FAHD2B: variants seen among roughly 807,000 people sequenced by gnomAD.
FAHD2B encodes fumarylacetoacetate hydrolase domain containing 2B.
Under a neutral mutation model 33.7 loss-of-function variants are expected in FAHD2B, and 26 were observed. That is an observed-to-expected ratio of 0.77 (90% CI 0.57 to 1.07). The LOEUF (loss-of-function observed/expected upper bound fraction) is 1.07. FAHD2B is among the 50% of genes least tolerant of loss of function. The pLI is 0.00. For synonymous variants in FAHD2B, 108 were observed against 150.9 expected, an observed-to-expected ratio of 0.72 and a Z score of 2.08; for missense variants, 272 against 388.1, an observed-to-expected ratio of 0.70 and a Z score of 2.51.
In FAHD2B at chr2:97,084,016, C is replaced by T; in HGVS notation, c.814G>A (p.Gly272Arg). The T allele has an allele frequency of 6.2e-7, 1 of 1,613,700 alleles. No individual in the cohort carries two copies. The highest frequency in any genetic ancestry group is 1.1e-5 in the South Asian group (1 of 90,908). ...GGGGTCCCAGTTAGGATGACATCCCCTGGGTAAAAGGTAACAAACCTGGAG... is the reference window on the plus strand; with the variant it reads ...GGGGTCCCAGTTAGGATGACATCCCTTGGGTAAAAGGTAACAAACCTGGAG... Reference protein sequence around the residue: ...WVSQFVTFYPGDVILTGTPPG... With the variant: ...WVSQFVTFYPRDVILTGTPPG... Residue 272 changes from glycine (G) to arginine (R), a missense_variant, in exon 8 of 9, where the codon GGG becomes AGG. Transcript: ENST00000414820.
At chr2:97,080,004 T>C (rs1385796520), downstream of FAHD2B, among the ~76,000 whole-genome samples, 2 of 152,142 alleles carry the variant, frequency 1.3e-5, no homozygotes, top group Non-Finnish European at 2.9e-5. Flanking sequence ...CTTTGTTAGA[T>C]GCATAGTTTG....
At chr2:97,082,284 C>T, downstream of FAHD2B, 2 of 1,577,866 alleles carry the variant, frequency 1.3e-6, no homozygotes, top group Admixed American at 1.8e-5. Flanking sequence ...CAGGCTGCCG[C>T]CTTCCTCCGC....
At chr2:97,083,493 G>A (rs2031740373), downstream of FAHD2B, 2 of 880,146 alleles carry the variant, frequency 2.3e-6, no homozygotes, top group African/African-American at 4.8e-5. Flanking sequence ...GTATGTGTGT[G>A]TATTTGCTCT....
In FAHD2B at chr2:97,090,133, C is replaced by A. The variant is rs761551273; in HGVS notation, c.438G>T (p.Glu146Asp). ...FASSIVGPYD[E>D]VVLPPQSQEV... ...CCTGGCTCTGTGGTGGGAGGACCAC[C>A]TCATCATAGGGCCCCACGATGGAGC... Residue 146 changes from glutamate (E) to aspartate (D), a missense_variant, in exon 4 of 9, where the codon GAG becomes GAT. Coordinates refer to ENST00000414820, the MANE Select transcript of FAHD2B (RefSeq NM_001320848.2). 2.2e-5 allele frequency: 35 copies of A among 1,603,586 alleles called. No individual in the cohort carries two copies. Among genetic ancestry groups the A allele is most frequent in the Non-Finnish European group, 2.9e-5 (34 of 1,174,884 alleles).
At chr2:97,083,116 A>T (rs2031717319), downstream of FAHD2B, 2 of 1,540,678 alleles carry the variant, frequency 1.3e-6, no homozygotes, top group Non-Finnish European at 1.7e-6. Flanking sequence ...TGGTGAGCGC[A>T]CTCATGGCGC....
At chr2:97,082,357 G>T, downstream of FAHD2B, 1 of 1,611,358 alleles carries the variant, frequency 6.2e-7, no homozygotes, top group Non-Finnish European at 8.5e-7. Flanking sequence ...GGCAGGCTGT[G>T]TCTGTGCTGG....
At chr2:97,092,965 CAAAA>C (rs748844060) in intron 1 of FAHD2B, among the ~76,000 whole-genome samples, 2 of 64,216 alleles carry the variant, frequency 3.1e-5, no homozygotes, top group Non-Finnish European at 3.1e-5. Context: ...AGAGCGACTC[CAAAA>C]AAAAAAAAAA....
Position 97,084,264 on chromosome 2 carries a change from T to G in FAHD2B, c.699A>C (p.Leu233Phe). Residue 233 changes from leucine (L) to phenylalanine (F), a missense_variant, in exon 7 of 9, where the codon TTA (leucine) becomes TTC (phenylalanine). Leu to Phe is a conservative substitution (Grantham distance 22, BLOSUM62 0). Coordinates refer to ENST00000414820, the MANE Select transcript of FAHD2B (RefSeq NM_001320848.2). ...CCCCATTCACTCGGCAGCAGATCTT[T>G]AAGTTGTGTGGATCTGAAATGCAAA... ...TKDSVADPHNLKICCRVNGEV... is the reference protein window; with the variant it reads ...TKDSVADPHNFKICCRVNGEV... 6.2e-7 allele frequency: 1 copy of G among 1,613,646 alleles called. No individual in the cohort carries two copies. Among genetic ancestry groups the G allele is most frequent in the South Asian group, 1.1e-5 (1 of 90,972 alleles).
At position 97,090,288 on chromosome 2, in the gene FAHD2B, C is replaced by A. The variant is rs1329702555; in HGVS notation, c.283G>T (p.Glu95Ter). 2 of 1,613,480 alleles carry A rather than the reference C, an allele frequency of 1.2e-6. No homozygotes were observed. Among genetic ancestry groups the A allele is most frequent in the African/African-American group, 2.7e-5 (2 of 74,920 alleles). Residue 95 changes from glutamate (E) to a stop codon, truncating the protein, a stop_gained, in exon 4 of 9, where the codon GAG (glutamate) becomes TAG (stop). Coordinates refer to ENST00000414820, the MANE Select transcript of FAHD2B (RefSeq NM_001320848.2). LOFTEE classifies it high-confidence loss of function. The part of the protein sequence containing the change: ...AAQLPVLPWS[E>*]VTFLAPVTWP... ...GTGACTGGAGCCAGGAAGGTTACCTCCGACCATGGTAGGACTGGCAACTGG... is the reference window on the plus strand; with the variant it reads ...GTGACTGGAGCCAGGAAGGTTACCTACGACCATGGTAGGACTGGCAACTGG...
downstream of FAHD2B, among the ~76,000 whole-genome samples, chr2:97,079,075 C>T (rs1173473681): frequency 6.6e-6 from 1 of 152,118 alleles, no homozygotes; most frequent in Non-Finnish European, 1.5e-5. Context: ...CAGCTCCATC[C>T]ATGTCCCTGC....
intron 6 of FAHD2B, 54 bp from the exon 7 acceptor site, chr2:97,084,331 C>G: frequency 6.2e-7 from 1 of 1,603,584 alleles, no homozygotes. Context: ...TCAAACCCCC[C>G]AGTGTTTTAC....
chr2:97,079,108 CTTTTTAT>C (rs1176803248), downstream of FAHD2B, among the ~76,000 whole-genome samples: 1 of 152,072 alleles, frequency 6.6e-6, no homozygotes, highest in African/African-American at 2.4e-5. Flanking sequence ...CTTATTCTTA[CTTTTTAT>C]AACTGCATAG....
At chr2:97,088,249 A>G (rs1443422809) in intron 4 of FAHD2B, among the ~76,000 whole-genome samples, 2 of 152,118 alleles carry the variant, frequency 1.3e-5, no homozygotes, top group African/African-American at 4.8e-5. Context: ...TCAAAGCGTA[A>G]TATTTACTAA....
At chr2:97,090,348 G>C in intron 3 of FAHD2B, 23 bp from the exon 4 acceptor site, 3 of 1,542,212 alleles carry the variant, frequency 1.9e-6, no homozygotes, top group Non-Finnish European at 2.6e-6. Context: ...GAGCAGGTGA[G>C]AGGGTCTGGC....
chr2:97,090,752 TAG>T (rs1574381538), intron 3 of FAHD2B, among the ~76,000 whole-genome samples: 1 of 151,788 alleles, frequency 6.6e-6, no homozygotes, highest in Admixed American at 6.6e-5. Context: ...TAACAATACA[TAG>T]AGAGTGTCCT....
chr2:97,084,465 T>TC (rs1048286417), intron 6 of FAHD2B, among the ~76,000 whole-genome samples, 188 bp from the exon 7 acceptor site: 1 of 151,872 alleles, frequency 6.6e-6, no homozygotes, highest in African/African-American at 2.4e-5. Flanking sequence ...CCTCCCTGCA[T>TC]CCCCACCAAG....
downstream of FAHD2B, chr2:97,081,113 G>A (rs966761844): frequency 1.8e-4 from 268 of 1,504,970 alleles, no homozygotes; most frequent in Non-Finnish European, 2.2e-4. Flanking sequence ...TGTGCAGTGC[G>A]GGGGCTGCTG....
chr2:97,082,470 T>C, downstream of FAHD2B: 1 of 1,612,992 alleles, frequency 6.2e-7, no homozygotes, highest in Non-Finnish European at 8.5e-7. Context: ...CTTCGGTGAG[T>C]CTCAACCAGT....
chr2:97,079,083 TG>T (rs1323402111), downstream of FAHD2B, among the ~76,000 whole-genome samples: 1 of 152,142 alleles, frequency 6.6e-6, no homozygotes, highest in Non-Finnish European at 1.5e-5. Context: ...TCCATGTCCC[TG>T]CAAAGGTCGT....
Sources: allele counts gnomAD v4.1 joint callset (sites outside exome capture counted in the v4.1 genomes callset), GRCh38; gene constraint gnomAD v4.1.1; transcripts MANE v1.5; gene names NCBI Gene and HGNC (gene_info 2026-07-23, HGNC 2026-07-21).